CDH12: variants seen among roughly 807,000 people sequenced by gnomAD.
CDH12 encodes the protein cadherin-12.
Under a neutral mutation model 74.1 loss-of-function variants are expected in CDH12, and 41 were observed. That is an observed-to-expected ratio of 0.55 (90% CI 0.43 to 0.72). CDH12 has a LOEUF of 0.72. Among genes scored for constraint, CDH12 ranks in the 30% least tolerant of loss-of-function variants. The pLI, the probability that CDH12 is intolerant of heterozygous loss-of-function variation, is 0.00. For missense variants in CDH12, 945 were observed against 977.2 expected (o/e 0.97, Z 0.44); for synonymous variants, 399 against 355.0 (o/e 1.12, Z -1.39).
intron 3 of CDH12, among the ~76,000 whole-genome samples, chr5:22,391,639 T>C (rs1742253699): frequency 6.6e-6 from 1 of 152,168 alleles, no homozygotes; most frequent in African/African-American, 2.4e-5. Flanking sequence ...ATTAGTGCCC[T>C]ACCTAAATAA....
chr5:22,565,314 A>G (rs114991153), intron 1 of CDH12, among the ~76,000 whole-genome samples: 1 of 152,086 alleles, frequency 6.6e-6, no homozygotes, highest in South Asian at 2.1e-4. Context: ...TTTTTGAGGA[A>G]TCTCCATAGT....
At chr5:22,043,328 G>T (rs987697512) in intron 5 of CDH12, among the ~76,000 whole-genome samples, 1 of 152,064 alleles carries the variant, frequency 6.6e-6, no homozygotes, top group Non-Finnish European at 1.5e-5. Flanking sequence ...TACATTGACA[G>T]AATAAATGAC....
At chr5:22,037,001 C>T (rs918991556) in intron 5 of CDH12, among the ~76,000 whole-genome samples, 2 of 151,982 alleles carry the variant, frequency 1.3e-5, no homozygotes, top group Non-Finnish European at 2.9e-5. Flanking sequence ...TTAATCAACT[C>T]TAAAATTGAA....
intron 3 of CDH12, among the ~76,000 whole-genome samples, chr5:22,235,788 G>C (rs761796665): frequency 6.6e-6 from 1 of 152,080 alleles, no homozygotes; most frequent in Non-Finnish European, 1.5e-5. Flanking sequence ...ATACAGTCCT[G>C]CCTCACTTAA....
chr5:22,332,415 A>G (rs1739388577), intron 3 of CDH12, among the ~76,000 whole-genome samples: 1 of 152,336 alleles, frequency 6.6e-6, no homozygotes, highest in Non-Finnish European at 1.5e-5. Context: ...CAGCAAAAAT[A>G]TTCTTCAAAG....
At chr5:22,530,350 T>C (rs1737531271) in intron 1 of CDH12, among the ~76,000 whole-genome samples, 1 of 152,146 alleles carries the variant, frequency 6.6e-6, no homozygotes, top group Non-Finnish European at 1.5e-5. Context: ...TCATTTGAAA[T>C]AAAAGACAGA....
At chr5:21,872,375 A>G (rs1251836570) in intron 6 of CDH12, among the ~76,000 whole-genome samples, 1 of 152,242 alleles carries the variant, frequency 6.6e-6, no homozygotes, top group Non-Finnish European at 1.5e-5. Flanking sequence ...TTTATCTCTC[A>G]GCTGTGTGCC....
chr5:22,659,471 C>T (rs1407700676), intron 1 of CDH12, among the ~76,000 whole-genome samples: 1 of 151,996 alleles, frequency 6.6e-6, no homozygotes, highest in Admixed American at 6.6e-5. Context: ...GATTTGGTAT[C>T]TATTTGCATA....
intron 6 of CDH12, among the ~76,000 whole-genome samples, chr5:21,905,929 C>A (rs887009836): frequency 3.3e-5 from 5 of 152,056 alleles, no homozygotes; most frequent in African/African-American, 4.8e-5. Context: ...TTTCTAAATT[C>A]ATGGTGTCTA....
chr5:21,857,877 T>A (rs1188945286), intron 6 of CDH12, among the ~76,000 whole-genome samples: 4 of 151,734 alleles, frequency 2.6e-5, no homozygotes, highest in African/African-American at 9.7e-5. Context: ...AGCAGAAAAA[T>A]TGGGTTTCTG....
At chr5:21,880,612 C>CTTTCTTTCTTTCT (rs1752250410) in intron 6 of CDH12, among the ~76,000 whole-genome samples, 2 of 69,930 alleles carry the variant, frequency 2.9e-5, no homozygotes, top group East Asian at 4.9e-4. Flanking sequence ...TCCTTCCTTC[C>CTTTCTTTCTTTCT]TTCCTTCTTT....
At position 22,474,720 on chromosome 5, in the gene CDH12, C is replaced by G. The variant is rs181559380; in HGVS notation, c.-428+30550G>C. ...AGGTTATTAATGGTCATATACAATA[C>G]ATAGATCAGAATGTGGATATTGATC... is the stretch of plus-strand genomic sequence containing the variant. On this transcript the variant is annotated intron_variant, in intron 2 of 14. Transcript: ENST00000382254. Among the ~76,000 whole-genome samples, 177 of 152,150 alleles carry G rather than the reference C, an allele frequency of 1.2e-3. 1 individual carries two copies. Among genetic ancestry groups the G allele is most frequent in the Admixed American group, 2.0e-3 (30 of 15,278 alleles).
intron 4 of CDH12, among the ~76,000 whole-genome samples, chr5:22,108,049 A>G (rs1041478240): frequency 6.6e-6 from 1 of 152,216 alleles, no homozygotes; most frequent in African/African-American, 2.4e-5. Flanking sequence ...AGAATAATGC[A>G]TGATATTGTT....
At chr5:22,453,298 G>A (rs944709147) in intron 2 of CDH12, among the ~76,000 whole-genome samples, 2 of 152,042 alleles carry the variant, frequency 1.3e-5, no homozygotes, top group African/African-American at 4.8e-5. Context: ...ATTTATTGCA[G>A]CATTCTTCAC....
chr5:22,450,189 G>A (rs1047257650), intron 2 of CDH12, among the ~76,000 whole-genome samples: 3 of 151,838 alleles, frequency 2.0e-5, no homozygotes, highest in South Asian at 2.1e-4. Context: ...CTTTGTAAGC[G>A]AAACCTGCAT....
intron 4 of CDH12, among the ~76,000 whole-genome samples, chr5:22,180,332 T>G (rs1424894338): frequency 6.6e-6 from 1 of 152,112 alleles, no homozygotes; most frequent in African/African-American, 2.4e-5. Context: ...AGAGAACCAA[T>G]TAATCTTTTC....
intron 1 of CDH12, among the ~76,000 whole-genome samples, chr5:22,632,444 T>C (rs2126858426): frequency 6.6e-6 from 1 of 152,030 alleles, no homozygotes; most frequent in East Asian, 1.9e-4. Context: ...TATCACCAAA[T>C]ACAGAGCAAC....
intron 4 of CDH12, among the ~76,000 whole-genome samples, chr5:22,124,877 G>C (rs1745753535): frequency 6.6e-6 from 1 of 152,138 alleles, no homozygotes; most frequent in East Asian, 1.9e-4. Context: ...CTAATATGCA[G>C]CCCTGTGATG....
intron 1 of CDH12, among the ~76,000 whole-genome samples, chr5:22,606,989 C>T (rs1255495187): frequency 6.6e-6 from 1 of 152,202 alleles, no homozygotes. Context: ...ATAACTCTTG[C>T]TTTGCTTTAG....
Sources: gnomAD v4.1 joint callset for allele counts (sites outside exome capture counted in the v4.1 genomes callset) on GRCh38, gnomAD v4.1.1 for gene constraint, MANE v1.5 for transcripts, NCBI Gene and HGNC (gene_info 2026-07-23, HGNC 2026-07-21) for gene names.